The following MPPE1 variants were observed in gnomAD, a reference collection of about 807,000 sequenced individuals.
MPPE1 encodes metallo phosphoesterase.
Under a neutral mutation model 43.8 loss-of-function variants are expected in MPPE1, and 28 were observed. That is an observed-to-expected ratio of 0.64 (90% confidence interval 0.47 to 0.88). The LOEUF (loss-of-function observed/expected upper bound fraction) is 0.88, where lower values mean the gene tolerates loss of function less well. Ranked by LOEUF, MPPE1 falls within the 40% of genes least tolerant of loss-of-function variation. The pLI is 0.00. For missense variants in MPPE1, 428 were observed against 492.2 expected (o/e 0.87, Z 1.23); for synonymous variants, 159 against 188.5 (o/e 0.84, Z 1.28).
chr18:11,899,210 C>T (rs1231383560), intron 2 of MPPE1, among the ~76,000 whole-genome samples: 1 of 152,166 alleles, frequency 6.6e-6, no homozygotes, highest in East Asian at 1.9e-4. Flanking sequence ...CCACCGTGCC[C>T]AGCCCAGCCC....
At chr18:11,900,832 A>G (rs602336) in intron 2 of MPPE1, among the ~76,000 whole-genome samples, 30,915 of 150,996 alleles carry the variant, frequency 0.2, 6,087 homozygotes, top group African/African-American at 0.51. Flanking sequence ...GCGTGAACCC[A>G]GGAGGCAAAG....
Position 11,900,634 on chromosome 18 carries a change from A to G in MPPE1, c.-92-3278T>C, listed in dbSNP as rs184326478. Among the ~76,000 whole-genome samples, 291 of 152,206 alleles carry G rather than the reference A, an allele frequency of 1.9e-3. 5 individuals are homozygous for G. In the East Asian group the frequency reaches 0.021, roughly 11 times the overall value. ...TTACCTAAAGAAAAATAAGCCAGGC[A>G]CAGTGGCTCACACCTGTAATCCCAG... On this transcript the variant is annotated intron_variant, in intron 2 of 10. Transcript: ENST00000588072.
At chr18:11,885,518 G>T in intron 10 of MPPE1, 158 bp downstream of exon 10, 1 of 844,926 alleles carries the variant, frequency 1.2e-6, no homozygotes, top group Non-Finnish European at 1.8e-6. Context: ...CCGGAAGGGT[G>T]TTTGGCAAGG....
At chr18:11,905,314 C>CA (rs1488192111) in intron 2 of MPPE1, 9 of 147,940 alleles carry the variant, frequency 6.1e-5, no homozygotes, top group African/African-American at 2.4e-4. Context: ...CAAAACAAAA[C>CA]AAAACAAAAC....
chr18:11,891,467 C>A (rs1314314967), intron 4 of MPPE1: 1 of 151,826 alleles, frequency 6.6e-6, no homozygotes, highest in African/African-American at 2.4e-5. Flanking sequence ...GAGCAAGACA[C>A]CAGCTGAAAA....
chr18:11,889,981 T>C (rs143297434), intron 4 of MPPE1, among the ~76,000 whole-genome samples: 1,527 of 151,904 alleles, frequency 0.01, 15 homozygotes, highest in African/African-American at 0.033. Flanking sequence ...CTCGCTCTGT[T>C]GCCCAGGCTG....
chr18:11,894,702 C>A (rs774882079), intron 3 of MPPE1, among the ~76,000 whole-genome samples: 1 of 152,056 alleles, frequency 6.6e-6, no homozygotes, highest in Non-Finnish European at 1.5e-5. Flanking sequence ...ATGATTCTTC[C>A]GCCTCAGCCT....
chr18:11,890,912 A>G lies in MPPE1; in HGVS notation c.391-1422T>C, dbSNP rs564398056. Among the ~76,000 whole-genome samples the G allele has an allele frequency of 3.3e-5, 5 of 152,370 alleles. No homozygotes were observed. The South Asian group carries it at 1.0e-3, about 32-fold the overall frequency. On this transcript the variant is annotated intron_variant, in intron 4 of 10. Transcript: ENST00000588072. ...TGTGGGAGAAAGAAAGACAAAAAAT[A>G]CTTATTGTAAAAAATTTTTCAAAAT...
intron 4 of MPPE1, among the ~76,000 whole-genome samples, chr18:11,890,733 G>A (rs890308618): frequency 5.9e-5 from 9 of 152,310 alleles, no homozygotes; most frequent in African/African-American, 2.2e-4. Context: ...AGACCCTGGT[G>A]GAGAAATGCT....
At chr18:11,901,970 C>A (rs2039257070) in intron 2 of MPPE1, among the ~76,000 whole-genome samples, 1 of 152,212 alleles carries the variant, frequency 6.6e-6, no homozygotes, top group Admixed American at 6.5e-5. Flanking sequence ...TCCTCCAAAA[C>A]CCCACAACAT....
intron 3 of MPPE1, among the ~76,000 whole-genome samples, chr18:11,896,103 T>A (rs2038584524): frequency 7.6e-6 from 1 of 132,052 alleles, no homozygotes; most frequent in African/African-American, 3.1e-5. Flanking sequence ...TTCTTTTTTT[T>A]TTTTTTTTTT....
chr18:11,903,518 T>G (rs1442284710), intron 2 of MPPE1, among the ~76,000 whole-genome samples: 2 of 152,104 alleles, frequency 1.3e-5, no homozygotes, highest in Non-Finnish European at 2.9e-5. Context: ...GGTTAAACAC[T>G]GCACTTGGCT....
At chr18:11,901,029 A>C (rs914303077) in intron 2 of MPPE1, among the ~76,000 whole-genome samples, 15 of 152,196 alleles carry the variant, frequency 9.9e-5, no homozygotes, top group Non-Finnish European at 1.5e-5. Context: ...AAACTGATAA[A>C]TGAAGAAATC....
At position 11,889,907 on chromosome 18, in the gene MPPE1, T is replaced by C. The variant is rs116892430; in HGVS notation, c.391-417A>G. Among the ~76,000 whole-genome samples, 39 of 149,740 alleles carry C rather than the reference T, an allele frequency of 2.6e-4. No individual in the cohort carries two copies. In the East Asian group the frequency reaches 7.7e-3, roughly 29 times the overall value. ...ATTTTGATGTGAGAAGTGAATGAAT[T>C]CCCCTGTTCAAATCAGATGCCCATA... On this transcript the variant is annotated intron_variant, in intron 4 of 10. Coordinates refer to ENST00000588072, the MANE Select transcript of MPPE1 (RefSeq NM_023075.6).
chr18:11,900,732 C>T (rs1351053851), intron 2 of MPPE1, among the ~76,000 whole-genome samples: 6 of 151,356 alleles, frequency 4.0e-5, no homozygotes, highest in African/African-American at 1.5e-4. Context: ...ACGGTGAAAC[C>T]CCATCTCTAC....
chr18:11,898,746 A>T lies in MPPE1; in HGVS notation c.-92-1390T>A, dbSNP rs571868755. Among the ~76,000 whole-genome samples, 127 of 152,128 alleles carry T rather than the reference A, an allele frequency of 8.3e-4. 1 individual carries two copies. Among genetic ancestry groups the T allele is most frequent in the South Asian group, 2.3e-3 (11 of 4,804 alleles). ...CCAGAAGTGGACTCAGCACACAAGG[A>T]CTGTTTTCCACATCCCTATGATTTC... On this transcript the variant is annotated intron_variant, in intron 2 of 10. Coordinates refer to ENST00000588072, the MANE Select transcript of MPPE1 (RefSeq NM_023075.6).
chr18:11,892,583 C>G (rs2038126620), intron 4 of MPPE1, among the ~76,000 whole-genome samples: 1 of 149,772 alleles, frequency 6.7e-6, no homozygotes, highest in Admixed American at 6.7e-5. Flanking sequence ...TGAGGCAGGA[C>G]AATCGCTTGA....
chr18:11,897,330 G>A lies in MPPE1; in HGVS notation c.-66C>T. The A allele has an allele frequency of 6.0e-6, 6 of 999,216 alleles. No homozygotes were observed. The highest frequency in any genetic ancestry group is 9.0e-6 in the Non-Finnish European group (6 of 664,752). 61.9% of individuals were successfully genotyped at this position (999,216 alleles called of 1,614,324 possible). On this transcript the variant is annotated 5_prime_UTR_variant, in exon 3 of 11. Coordinates refer to ENST00000588072, the MANE Select transcript of MPPE1 (RefSeq NM_023075.6). ...AAAACTGCAGAGCCCTGGGGAGGGT[G>A]ATGGCATTCAGGTCTTAGCTGGGCA...
chr18:11,889,611 G>A (rs1451927122), intron 4 of MPPE1, 121 bp from the exon 5 acceptor site: 1 of 624,652 alleles, frequency 1.6e-6, no homozygotes, highest in African/African-American at 1.9e-5. Flanking sequence ...TCTCCAGGCT[G>A]AAGTGCAGTG....
Sources: gnomAD v4.1 joint callset for allele counts (sites outside exome capture counted in the v4.1 genomes callset) on GRCh38, gnomAD v4.1.1 for gene constraint, MANE v1.5 for transcripts, NCBI Gene and HGNC (gene_info 2026-07-23, HGNC 2026-07-21) for gene names.